Variants in ME3 observed in about 807,000 individuals in gnomAD.
The protein encoded by ME3 is malic enzyme 3.
Under a neutral mutation model 68.9 loss-of-function variants are expected in ME3, and 48 were observed. That is an observed-to-expected ratio of 0.70 (90% CI 0.55 to 0.89). The LOEUF is 0.89. Among genes scored for constraint, ME3 ranks in the 40% least tolerant of loss-of-function variants. The pLI is 0.00. For synonymous variants in ME3, 320 were observed against 318.8 expected, an observed-to-expected ratio of 1.00 and a Z score of -0.04; for missense variants, 675 against 797.4, an observed-to-expected ratio of 0.85 and a Z score of 1.85.
intron 2 of ME3, among the ~76,000 whole-genome samples, chr11:86,583,700 A>G (rs1958572252): frequency 6.6e-6 from 1 of 152,184 alleles, no homozygotes; most frequent in Non-Finnish European, 1.5e-5. Context: ...TGAGGAAGCA[A>G]TATCCAAAAT....
intron 6 of ME3, among the ~76,000 whole-genome samples, chr11:86,492,481 A>G (rs1223805885): frequency 1.3e-5 from 2 of 152,086 alleles, no homozygotes; most frequent in Non-Finnish European, 2.9e-5. Context: ...CTAGACCAGG[A>G]CTCTTCCCAG....
chr11:86,550,972 GTGCACA>G (rs112329006), intron 4 of ME3, among the ~76,000 whole-genome samples: 1,735 of 152,098 alleles, frequency 0.011, 30 homozygotes, highest in African/African-American at 0.038. Context: ...CTGGGTGTGT[GTGCACA>G]TGCATGTGCA....
At chr11:86,593,994 C>T (rs1378961631) in intron 2 of ME3, among the ~76,000 whole-genome samples, 6 of 146,080 alleles carry the variant, frequency 4.1e-5, no homozygotes, top group African/African-American at 1.3e-4. Context: ...ACTGATGACT[C>T]ATTCTTTCAT....
At chr11:86,542,293 A>G (rs1016314212) in intron 4 of ME3, among the ~76,000 whole-genome samples, 1 of 152,214 alleles carries the variant, frequency 6.6e-6, no homozygotes, top group Admixed American at 6.5e-5. Context: ...ACAAAACTGG[A>G]CAGAGCATGA....
chr11:86,537,625 C>T (rs561869606), intron 4 of ME3, among the ~76,000 whole-genome samples: 26 of 152,340 alleles, frequency 1.7e-4, no homozygotes, highest in African/African-American at 5.3e-4. Flanking sequence ...GCTCAAGGGT[C>T]TCTTAAAAGC....
chr11:86,574,083 G>T (rs1957951596), intron 2 of ME3, among the ~76,000 whole-genome samples: 1 of 152,122 alleles, frequency 6.6e-6, no homozygotes, highest in Admixed American at 6.5e-5. Flanking sequence ...TCTCTAAACT[G>T]GTTATTCTAG....
chr11:86,588,512 G>A (rs186282905), intron 2 of ME3, among the ~76,000 whole-genome samples: 4 of 152,116 alleles, frequency 2.6e-5, no homozygotes, highest in Non-Finnish European at 4.4e-5. Context: ...TAAGTCAAAG[G>A]AGACCCCATA....
chr11:86,453,265 G>A (rs1212825286), intron 8 of ME3, among the ~76,000 whole-genome samples: 3 of 152,236 alleles, frequency 2.0e-5, no homozygotes, highest in Admixed American at 2.0e-4. Flanking sequence ...CTCCGAAAGT[G>A]CTGGGATTAC....
At chr11:86,530,438 C>G (rs80254251) in intron 4 of ME3, among the ~76,000 whole-genome samples, 52,670 of 151,868 alleles carry the variant, frequency 0.35, 9,629 homozygotes, top group African/African-American at 0.48. Context: ...GTAATTTATA[C>G]ATTCAATGCC....
At chr11:86,509,276 C>T (rs189693464) in intron 4 of ME3, among the ~76,000 whole-genome samples, 56 of 152,294 alleles carry the variant, frequency 3.7e-4, no homozygotes, top group African/African-American at 1.2e-3. Context: ...GGCCTGAGTC[C>T]GTGACTGAAA....
At chr11:86,449,584 A>G (rs1949517644) in intron 10 of ME3, among the ~76,000 whole-genome samples, 1 of 152,206 alleles carries the variant, frequency 6.6e-6, no homozygotes, top group Non-Finnish European at 1.5e-5. Flanking sequence ...ATGTGTAAAG[A>G]TGTGGAAGAC....
chr11:86,577,776 T>A (rs1299214863), intron 2 of ME3, among the ~76,000 whole-genome samples: 2 of 152,244 alleles, frequency 1.3e-5, no homozygotes, highest in Non-Finnish European at 2.9e-5. Flanking sequence ...ATATTTTTAC[T>A]GCTTCGTTGT....
At chr11:86,533,784 T>A (rs971259462) in intron 4 of ME3, among the ~76,000 whole-genome samples, 2 of 152,104 alleles carry the variant, frequency 1.3e-5, no homozygotes, top group Non-Finnish European at 2.9e-5. Flanking sequence ...AAATGCATAA[T>A]TAGACAATTT....
chr11:86,496,927 A>T (rs1424972213), intron 6 of ME3, among the ~76,000 whole-genome samples: 1 of 151,554 alleles, frequency 6.6e-6, no homozygotes, highest in Admixed American at 6.6e-5. Context: ...GTAAACAATG[A>T]TTAGTGCTTG....
chr11:86,575,473 A>T (rs1267855511), intron 2 of ME3, among the ~76,000 whole-genome samples: 1 of 147,552 alleles, frequency 6.8e-6, no homozygotes, highest in East Asian at 1.9e-4. Context: ...CAAGGAAATG[A>T]TTTGGAATAT....
At chr11:86,629,497 A>T (rs1288134635) in intron 2 of ME3, among the ~76,000 whole-genome samples, 2 of 152,230 alleles carry the variant, frequency 1.3e-5, no homozygotes, top group Admixed American at 1.3e-4. Flanking sequence ...CCCACCAGGA[A>T]CTAGTATACT....
At chr11:86,505,789 C>T (rs1052179973) in intron 5 of ME3, among the ~76,000 whole-genome samples, 1 of 152,198 alleles carries the variant, frequency 6.6e-6, no homozygotes, top group Admixed American at 6.5e-5. Flanking sequence ...TATTGCAAAG[C>T]TGGGTCTGAT....
chr11:86,450,271 G>T, intron 9 of ME3, 30 bp downstream of exon 9: 2 of 1,600,006 alleles, frequency 1.3e-6, no homozygotes, highest in African/African-American at 1.3e-5. Context: ...TCTTCCTGGA[G>T]CAACCAAAGA....
intron 5 of ME3, among the ~76,000 whole-genome samples, chr11:86,502,327 C>G (rs1952779988): frequency 6.6e-6 from 1 of 152,242 alleles, no homozygotes; most frequent in Admixed American, 6.5e-5. Context: ...ACCTATCACT[C>G]CCTTCCTTGT....
Sources: allele counts gnomAD v4.1 joint callset (sites outside exome capture counted in the v4.1 genomes callset), GRCh38; gene constraint gnomAD v4.1.1; transcripts MANE v1.5; gene names NCBI Gene and HGNC (gene_info 2026-07-23, HGNC 2026-07-21).